The following PRKCQ variants were observed in gnomAD, a reference collection of about 807,000 sequenced individuals.
The protein encoded by PRKCQ is protein kinase C theta, also known as protein kinase C theta type.
A neutral mutation model predicts 91.2 loss-of-function variants in PRKCQ; 41 were observed. The observed-to-expected ratio is 0.45, with a 90% CI of 0.35 to 0.58. The LOEUF is 0.58. PRKCQ is among the 20% of genes least tolerant of loss of function. The pLI is 0.00. For synonymous variants in PRKCQ, 307 were observed against 316.9 expected (o/e 0.97, Z 0.33); for missense variants, 673 against 896.5 (o/e 0.75, Z 3.18).
At chr10:6,421,479 G>A in the PRKCQ span, among the ~76,000 whole-genome samples, 2 of 152,294 alleles carry the variant, frequency 1.3e-5, no homozygotes, top group East Asian at 1.9e-4. This position sits in a 1 kb window ranked among gnomAD's most constrained non-coding sequence, Gnocchi z 4.1. Context: ...AGTGAGGCCT[G>A]TCTCAAAGAA....
chr10:6,395,225 G>A, the PRKCQ span, among the ~76,000 whole-genome samples: 5 of 151,926 alleles, frequency 3.3e-5, no homozygotes, highest in African/African-American at 9.7e-5. Flanking sequence ...CACCGTGCCC[G>A]GCTAATTTTT....
rs1588636852 is a variant in PRKCQ, at chr10:6,427,680, A to C, written c.*527T>G. On this transcript the variant is annotated 3_prime_UTR_variant, in exon 18 of 18. Coordinates refer to ENST00000263125, the MANE Select transcript of PRKCQ (RefSeq NM_006257.5). Reference sequence around the variant, plus strand: ...TTTATTGTAAAGAATTCCCATAAAAACCTATCCAGGGCTGGCCCCCCAGCC... The same window carrying C: ...TTTATTGTAAAGAATTCCCATAAAACCCTATCCAGGGCTGGCCCCCCAGCC... 6.5e-6 allele frequency: 1 copy of C among 153,314 alleles called. No individual in the cohort carries two copies. The highest frequency in any genetic ancestry group is 1.5e-5 in the Non-Finnish European group (1 of 68,844). 9.5% of individuals were successfully genotyped at this position (153,314 alleles called of 1,614,324 possible).
At position 6,442,113 on chromosome 10, in the gene PRKCQ, C is replaced by G. The variant is rs111711617; in HGVS notation, c.1648-32G>C. On this transcript the variant is annotated intron_variant, in intron 15 of 17. Coordinates refer to ENST00000263125, the MANE Select transcript of PRKCQ (RefSeq NM_006257.5). ...AACCAAAAGGCAGACAGGAAATTAA[C>G]AGGAATGAGGCTGAGGAGTGACAAC... 8.0e-5 allele frequency: 128 copies of G among 1,597,450 alleles called. No homozygotes were observed. In the African/African-American group the frequency reaches 1.3e-3, roughly 16 times the overall value.
intron 1 of PRKCQ, among the ~76,000 whole-genome samples, chr10:6,565,983 TAA>T (rs1196437498): frequency 6.6e-6 from 1 of 152,224 alleles, no homozygotes; most frequent in Non-Finnish European, 1.5e-5. Flanking sequence ...GCAGATGAAT[TAA>T]AGAGTTCCCA....
intron 7 of PRKCQ, among the ~76,000 whole-genome samples, chr10:6,493,696 T>G (rs147454018): frequency 6.6e-6 from 1 of 152,202 alleles, no homozygotes; most frequent in Non-Finnish European, 1.5e-5. Context: ...GGAAGAAGTC[T>G]GGGAGGTGAA....
chr10:6,531,363 T>C (rs1225351451), intron 1 of PRKCQ, among the ~76,000 whole-genome samples: 1 of 151,596 alleles, frequency 6.6e-6, no homozygotes, highest in Non-Finnish European at 1.5e-5. Flanking sequence ...CATTTGGCAA[T>C]GTCTGGAGAC....
the PRKCQ span, among the ~76,000 whole-genome samples, chr10:6,404,142 T>A: frequency 6.6e-6 from 1 of 151,510 alleles, no homozygotes; most frequent in African/African-American, 2.4e-5. Flanking sequence ...TGCAGAATTC[T>A]ACCCTTTCCT....
At chr10:6,515,192 T>C in intron 1 of PRKCQ, 48 bp from the exon 2 acceptor site, 1 of 1,607,726 alleles carries the variant, frequency 6.2e-7, no homozygotes, top group Non-Finnish European at 8.5e-7. Context: ...ATAAAAGATA[T>C]TATTTTTGGT....
chr10:6,491,955 C>T, intron 7 of PRKCQ, 143 bp from the exon 8 acceptor site: 1 of 1,270,300 alleles, frequency 7.9e-7, no homozygotes, highest in Non-Finnish European at 1.1e-6. Context: ...TGTCACTTGT[C>T]AAGCCCTACA....
chr10:6,492,846 T>C (rs1837396028), intron 7 of PRKCQ, among the ~76,000 whole-genome samples: 1 of 152,170 alleles, frequency 6.6e-6, no homozygotes, highest in Non-Finnish European at 1.5e-5. Context: ...AACAGTTCCT[T>C]TGGGAAGGTG....
At chr10:6,477,309 A>G (rs922421154) in intron 12 of PRKCQ, among the ~76,000 whole-genome samples, 1 of 152,180 alleles carries the variant, frequency 6.6e-6, no homozygotes, top group Non-Finnish European at 1.5e-5. Context: ...TATCCTCCAC[A>G]GTGCTTTGAG....
chr10:6,521,888 CTATGTTATGTTATGTGATGT>C lies in PRKCQ; in HGVS notation c.-9-6764_-9-6745del, dbSNP rs142403831. ...CTGCAAAACACCATCATGATATGTA[CTATGTTATGTTATGTGATGT>C]TATGTTATGTTATGTTATTTATTTA... On this transcript the variant is annotated intron_variant, in intron 1 of 17. Coordinates refer to ENST00000263125, the MANE Select transcript of PRKCQ (RefSeq NM_006257.5). Among the ~76,000 whole-genome samples, 761 of 142,948 alleles carry C rather than the reference CTATGTTATGTTATGTGATGT, an allele frequency of 5.3e-3. 5 individuals are homozygous for C. The highest frequency in any genetic ancestry group is 0.015 in the South Asian group (68 of 4,450). The allele number at this position is 142,948 out of a possible 152,430, so 93.8% of individuals were successfully genotyped here. A position where few individuals can be genotyped will look rare whatever the true frequency, so the allele number is the denominator to read the frequency against.
At chr10:6,458,960 A>G (rs534086707) in intron 14 of PRKCQ, among the ~76,000 whole-genome samples, 1 of 152,214 alleles carries the variant, frequency 6.6e-6, no homozygotes, top group East Asian at 1.9e-4. Flanking sequence ...GATGCCGTCG[A>G]TTTTGTGGTT....
At chr10:6,490,036 G>A (rs565628480) in intron 8 of PRKCQ, among the ~76,000 whole-genome samples, 2 of 152,146 alleles carry the variant, frequency 1.3e-5, no homozygotes, top group South Asian at 2.1e-4. Flanking sequence ...GCAGGATGCC[G>A]GGACACTACG....
intron 16 of PRKCQ, among the ~76,000 whole-genome samples, chr10:6,441,554 C>T (rs1833973379): frequency 6.6e-6 from 1 of 152,146 alleles, no homozygotes; most frequent in African/African-American, 2.4e-5. Flanking sequence ...CCTGCCTCAA[C>T]CTCCCAAGTA....
intron 1 of PRKCQ, among the ~76,000 whole-genome samples, chr10:6,573,225 G>C (rs1040291986): frequency 2.6e-5 from 4 of 152,148 alleles, no homozygotes; most frequent in South Asian, 2.1e-4. Context: ...CTGTGTAGAA[G>C]GCCTGCTTTT....
chr10:6,434,447 T>G (rs1447194960), intron 16 of PRKCQ, among the ~76,000 whole-genome samples: 2 of 152,238 alleles, frequency 1.3e-5, no homozygotes, highest in Non-Finnish European at 2.9e-5. Flanking sequence ...GCGTCAATAT[T>G]CTTTCCAGTT....
chr10:6,492,525 C>T (rs1266075186), intron 7 of PRKCQ, among the ~76,000 whole-genome samples: 1 of 152,094 alleles, frequency 6.6e-6, no homozygotes, highest in Non-Finnish European at 1.5e-5. Context: ...GAAACTTGCC[C>T]AGGACACGCA....
chr10:6,411,913 A>G, the PRKCQ span, among the ~76,000 whole-genome samples: 1 of 152,206 alleles, frequency 6.6e-6, no homozygotes. Context: ...TTTGTTTACT[A>G]TGGTCACACA....
Sources: gnomAD v4.1 joint callset for allele counts (sites outside exome capture counted in the v4.1 genomes callset) on GRCh38, gnomAD v4.1.1 for gene constraint, Gnocchi (gnomAD v3.1) non-coding constraint, MANE v1.5 for transcripts, NCBI Gene and HGNC (gene_info 2026-07-23, HGNC 2026-07-21) for gene names.